The following CNBD2 variants were observed in gnomAD, a reference collection of about 807,000 sequenced individuals.
CNBD2 encodes the protein cyclic nucleotide-binding domain-containing protein 2.
In CNBD2, 64 loss-of-function variants were observed where a neutral mutation model predicts 63.7. That is an observed-to-expected ratio of 1.00 (90% confidence interval 0.82 to 1.24). The LOEUF (loss-of-function observed/expected upper bound fraction) is 1.24, where lower values mean the gene tolerates loss of function less well. Among genes scored for constraint, CNBD2 ranks in the 50% most tolerant of loss-of-function variants. The probability of loss-of-function intolerance (pLI) is 0.00; values close to 1 mark genes in which losing one functional copy is unlikely to be tolerated. For synonymous variants in CNBD2, 229 were observed against 255.4 expected, an observed-to-expected ratio of 0.90 and a Z score of 0.99; for missense variants, 691 against 713.5, an observed-to-expected ratio of 0.97 and a Z score of 0.36.
At chr20:35,981,729 C>T (rs938076182) in intron 4 of CNBD2, among the ~76,000 whole-genome samples, 8 of 152,092 alleles carry the variant, frequency 5.3e-5, no homozygotes, top group African/African-American at 1.7e-4. Flanking sequence ...CGTGTACCAC[C>T]GTGCCTGGCT....
intron 10 of CNBD2, among the ~76,000 whole-genome samples, chr20:36,022,286 C>T (rs952178303): frequency 6.9e-6 from 1 of 145,946 alleles, no homozygotes; most frequent in South Asian, 2.2e-4. Context: ...GCAACCTCTG[C>T]CTCCCAGGTT....
chr20:35,980,376 C>T, intron 3 of CNBD2, 83 bp from the exon 4 acceptor site: 1 of 1,296,260 alleles, frequency 7.7e-7, no homozygotes, highest in South Asian at 1.3e-5. Flanking sequence ...GGAGAGTGTA[C>T]AAGCAGGACT....
At chr20:35,969,252 T>G (rs146676228) in intron 1 of CNBD2, among the ~76,000 whole-genome samples, 2 of 152,336 alleles carry the variant, frequency 1.3e-5, no homozygotes, top group African/African-American at 4.8e-5. Context: ...ATAATACTAG[T>G]ACCTACTGCA....
chr20:35,975,302 CTTTT>C (rs1416435121), intron 2 of CNBD2, among the ~76,000 whole-genome samples: 2 of 84,088 alleles, frequency 2.4e-5, no homozygotes, highest in African/African-American at 4.4e-5. Context: ...CGCCCGGCCT[CTTTT>C]TTTTTATTTT....
chr20:36,005,759 G>A (rs921854851), intron 8 of CNBD2, among the ~76,000 whole-genome samples: 1 of 151,622 alleles, frequency 6.6e-6, no homozygotes, highest in Non-Finnish European at 1.5e-5. Context: ...GATCATCCTG[G>A]CTAACACGGT....
intron 10 of CNBD2, among the ~76,000 whole-genome samples, chr20:36,018,642 C>T (rs2057167407): frequency 6.6e-6 from 1 of 152,072 alleles, no homozygotes; most frequent in South Asian, 2.1e-4. Context: ...TGGGTCAGCC[C>T]TGGGAGCAGC....
upstream of CNBD2, among the ~76,000 whole-genome samples, chr20:35,964,981 G>A (rs535760156): frequency 6.6e-6 from 1 of 151,956 alleles, no homozygotes; most frequent in Non-Finnish European, 1.5e-5. Flanking sequence ...GATTACATAC[G>A]TGAGCCACCA....
chr20:35,965,629 T>TAAAATAAAATAAA (rs1256882664), upstream of CNBD2, among the ~76,000 whole-genome samples: 2 of 152,234 alleles, frequency 1.3e-5, no homozygotes, highest in Non-Finnish European at 2.9e-5. Context: ...TAGTTACAGT[T>TAAAATAAAATAAA]ATAAAATCAG....
intron 4 of CNBD2, among the ~76,000 whole-genome samples, chr20:35,982,068 CAA>C (rs2056605266): frequency 6.6e-6 from 1 of 152,150 alleles, no homozygotes; most frequent in South Asian, 2.1e-4. Context: ...ACTGATGGAA[CAA>C]AGTGGGTATC....
At chr20:36,019,655 G>A (rs2057182209) in intron 10 of CNBD2, among the ~76,000 whole-genome samples, 1 of 151,984 alleles carries the variant, frequency 6.6e-6, no homozygotes, top group South Asian at 2.1e-4. Flanking sequence ...GGGATTGGAA[G>A]GGAGGGCAGG....
At chr20:35,975,057 A>C (rs1379037013) in intron 2 of CNBD2, 1 of 140,420 alleles carries the variant, frequency 7.1e-6, no homozygotes, top group Admixed American at 7.2e-5. Flanking sequence ...GCTGGAGTGC[A>C]GTGGCGCGAT....
intron 11 of CNBD2, among the ~76,000 whole-genome samples, chr20:36,028,163 C>G (rs923109589): frequency 6.6e-6 from 1 of 152,082 alleles, no homozygotes; most frequent in Non-Finnish European, 1.5e-5. Flanking sequence ...GTTTAAGGAG[C>G]CTTAGCTCCT....
At chr20:35,960,158 T>C (rs911627511), downstream of CNBD2, among the ~76,000 whole-genome samples, 8 of 152,206 alleles carry the variant, frequency 5.3e-5, no homozygotes, top group Non-Finnish European at 1.2e-4. Context: ...TTTTGCTACA[T>C]ATTGCCACCT....
chr20:35,989,411 CAAAGA>C (rs2056712164), intron 7 of CNBD2, among the ~76,000 whole-genome samples: 1 of 152,116 alleles, frequency 6.6e-6, no homozygotes, highest in Non-Finnish European at 1.5e-5. Flanking sequence ...CACACATAGA[CAAAGA>C]AAAGTGTCAA....
intron 9 of CNBD2, 115 bp from the exon 10 acceptor site, chr20:36,011,022 T>C: frequency 8.8e-7 from 1 of 1,133,890 alleles, no homozygotes; most frequent in Non-Finnish European, 1.2e-6. Context: ...TGGGAAGTTG[T>C]GAATTCCCCA....
At chr20:35,967,354 A>T (rs1216131610), upstream of CNBD2, among the ~76,000 whole-genome samples, 7 of 138,538 alleles carry the variant, frequency 5.1e-5, no homozygotes, top group African/African-American at 1.9e-4. Context: ...GGTTCAAGTG[A>T]TCCTCCCACC....
intron 7 of CNBD2, among the ~76,000 whole-genome samples, chr20:35,988,462 C>T (rs879902312): frequency 2.6e-5 from 4 of 152,182 alleles, no homozygotes; most frequent in African/African-American, 7.2e-5. Flanking sequence ...TTAGCCACCA[C>T]ACCCAACCTT....
At chr20:36,027,530 C>CA (rs1568936265) in intron 11 of CNBD2, among the ~76,000 whole-genome samples, 1 of 152,092 alleles carries the variant, frequency 6.6e-6, no homozygotes, top group Non-Finnish European at 1.5e-5. Context: ...TTAGTTTTAA[C>CA]ATTTATGTAT....
At chr20:35,957,832 T>C (rs1033923788), downstream of CNBD2, 8 of 152,214 alleles carry the variant, frequency 5.3e-5, no homozygotes, top group African/African-American at 7.2e-5. Context: ...TCTTATCTTA[T>C]TAGGCCTCTT....
Sources: gnomAD v4.1 joint callset for allele counts (sites outside exome capture counted in the v4.1 genomes callset) on GRCh38, gnomAD v4.1.1 for gene constraint, MANE v1.5 for transcripts, NCBI Gene and HGNC (gene_info 2026-07-23, HGNC 2026-07-21) for gene names.